Variants in CCT7 observed in about 807,000 individuals in gnomAD.
CCT7 encodes the protein chaperonin containing TCP1 subunit 7.
Under a neutral mutation model 56.6 loss-of-function variants are expected in CCT7, and 16 were observed. The observed-to-expected ratio is 0.28, with a 90% CI of 0.19 to 0.43. CCT7 has a LOEUF of 0.43. Ranked by LOEUF, CCT7 falls within the 20% of genes least tolerant of loss-of-function variation. The probability of loss-of-function intolerance (pLI) is 1.00; values close to 1 mark genes in which losing one functional copy is unlikely to be tolerated. For missense variants in CCT7, 519 were observed against 685.6 expected, an observed-to-expected ratio of 0.76 and a Z score of 2.71; for synonymous variants, 262 against 254.8, an observed-to-expected ratio of 1.03 and a Z score of -0.27.
intron 1 of CCT7, among the ~76,000 whole-genome samples, chr2:73,237,867 A>C (rs1686946127): frequency 6.6e-6 from 1 of 152,142 alleles, no homozygotes; most frequent in Admixed American, 6.5e-5. Context: ...GTTGGAGACC[A>C]GCCTGGGCAA....
chr2:73,245,223 C>A (rs1324968020), intron 6 of CCT7, among the ~76,000 whole-genome samples: 1 of 152,192 alleles, frequency 6.6e-6, no homozygotes, highest in Non-Finnish European at 1.5e-5. Context: ...TGCAGAATTA[C>A]TTTGTGCATA....
rs539762585 is a variant in CCT7, at chr2:73,247,741, G to A, written c.619-21G>A. 1.9e-6 allele frequency: 3 copies of A among 1,610,840 alleles called. No individual in the cohort carries two copies. In the South Asian group the frequency reaches 3.3e-5, roughly 18 times the overall value. ...TTCATGTTAGTACCAAACCATTAAAGTGTTTGTTTTTTTAAAACAGGATTC... is the reference window on the plus strand; with the variant it reads ...TTCATGTTAGTACCAAACCATTAAAATGTTTGTTTTTTTAAAACAGGATTC... On this transcript the variant is annotated intron_variant, in intron 6 of 11. Transcript: ENST00000258091.
chr2:73,240,751 A>G (rs946687206), intron 3 of CCT7, among the ~76,000 whole-genome samples: 6 of 152,224 alleles, frequency 3.9e-5, no homozygotes, highest in African/African-American at 1.4e-4. Flanking sequence ...ACATTGGTGA[A>G]TGACAACAGT....
At chr2:73,241,943 G>A (rs1014807037) in intron 3 of CCT7, among the ~76,000 whole-genome samples, 19 of 151,954 alleles carry the variant, frequency 1.3e-4, no homozygotes, top group African/African-American at 3.6e-4. Flanking sequence ...GTTTCACCAT[G>A]TTGGCCAGGC....
intron 1 of CCT7, chr2:73,235,457 G>A (rs1558560247): frequency 1.7e-6 from 1 of 605,114 alleles, no homozygotes; most frequent in East Asian, 1.4e-4. Flanking sequence ...CACCTTTTAG[G>A]TGTTCTACCA....
At chr2:73,248,207 C>T (rs1687427345) in intron 7 of CCT7, among the ~76,000 whole-genome samples, 2 of 152,146 alleles carry the variant, frequency 1.3e-5, no homozygotes, top group Non-Finnish European at 2.9e-5. Context: ...TTTGGTTCCT[C>T]TTGTTGGTGC....
intron 5 of CCT7, chr2:73,244,268 T>G (rs997264390): frequency 3.2e-6 from 2 of 617,382 alleles, no homozygotes; most frequent in Non-Finnish European, 5.6e-6. Flanking sequence ...TCCCTCTATG[T>G]GCCTGGGGCT....
At chr2:73,243,209 G>C in intron 4 of CCT7, 80 bp downstream of exon 4, 1 of 1,523,438 alleles carries the variant, frequency 6.6e-7, no homozygotes, top group Non-Finnish European at 9.0e-7. Context: ...CTTTTCAGGA[G>C]TGTGGAGGGA....
chr2:73,249,245 G>A (rs1687471488), intron 8 of CCT7, 66 bp downstream of exon 8: 2 of 1,258,702 alleles, frequency 1.6e-6, no homozygotes, highest in Admixed American at 4.9e-5. Flanking sequence ...CTGACCCCTG[G>A]TATAACAGAG....
chr2:73,239,687 A>G lies in CCT7; in HGVS notation c.51A>G (p.Gln17=), dbSNP rs1185365281. 1 of 1,613,974 alleles carries G rather than the reference A, an allele frequency of 6.2e-7. No homozygotes were observed. The highest frequency in any genetic ancestry group is 1.1e-5 in the South Asian group (1 of 91,084). The change falls in exon 2 of 12, where the codon CAA becomes CAG. Residue 17 remains glutamine (Q), a synonymous_variant. Coordinates refer to ENST00000258091, the MANE Select transcript of CCT7 (RefSeq NM_006429.4). ...TGAAAGAGGGGACTGATAGCTCCCA[A>G]GGCATCCCCCAGCTTGTGAGTAACA... is the stretch of plus-strand genomic sequence containing the variant. ...ILLKEGTDSS[Q]GIPQLVSNIS... is the part of the protein sequence containing the mutation.
At chr2:73,243,238 T>A in intron 4 of CCT7, 109 bp downstream of exon 4, 3 of 1,293,370 alleles carry the variant, frequency 2.3e-6, no homozygotes, top group Admixed American at 2.2e-5. Context: ...CAGGGTACTT[T>A]GGGCATTTTC....
At position 73,237,674 on chromosome 2, in the gene CCT7, G is replaced by A. The variant is rs1449731175; in HGVS notation, c.7-1969G>A. The A allele has an allele frequency of 2.6e-5, 4 of 152,224 alleles. No homozygotes were observed. The South Asian group carries it at 6.2e-4, about 24-fold the overall frequency. 9.4% of individuals were successfully genotyped at this position (152,224 alleles called of 1,614,324 possible). A position where few individuals can be genotyped will look rare whatever the true frequency, so the allele number is the denominator to read the frequency against. On this transcript the variant is annotated intron_variant, in intron 1 of 11. Transcript: ENST00000258091. ...GGAAGGAATTTTCCCTTCAGTTGAC[G>A]CCTGATCCCAAATGTAGGGGTTTAC...
chr2:73,235,561 C>G (rs1686842582), intron 1 of CCT7: 1 of 1,002,046 alleles, frequency 1.0e-6, no homozygotes, highest in East Asian at 1.1e-4. Context: ...ATTGCTCATT[C>G]TTGAAGTCGT....
intron 1 of CCT7, chr2:73,239,108 A>G (rs1214913305): frequency 6.6e-6 from 1 of 152,428 alleles, no homozygotes; most frequent in Non-Finnish European, 1.5e-5. Context: ...CTGTTTTCCT[A>G]CACTGCAGCT....
chr2:73,239,069 CAG>C (rs1686996524), intron 1 of CCT7: 1 of 152,312 alleles, frequency 6.6e-6, no homozygotes, highest in Non-Finnish European at 1.5e-5. Flanking sequence ...TTTTTCAAAA[CAG>C]GGCAAAGGTG....
chr2:73,239,875 T>C, intron 2 of CCT7, 79 bp downstream of exon 2: 2 of 1,255,800 alleles, frequency 1.6e-6, no homozygotes, highest in Non-Finnish European at 2.2e-6. Flanking sequence ...CATAGGTTGG[T>C]ATCAGAAATC....
chr2:73,246,984 C>T (rs953286147), intron 6 of CCT7, among the ~76,000 whole-genome samples: 7 of 152,118 alleles, frequency 4.6e-5, no homozygotes, highest in Non-Finnish European at 8.8e-5. Flanking sequence ...GGAAATGACT[C>T]GGTCATTTAG....
At chr2:73,240,665 T>G in intron 3 of CCT7, 122 bp downstream of exon 3, 1 of 489,864 alleles carries the variant, frequency 2.0e-6, no homozygotes, top group Non-Finnish European at 3.5e-6. Context: ...AATACATGCT[T>G]ATAAAAGTAT....
At chr2:73,240,576 T>C (rs750127229) in intron 3 of CCT7, 33 bp downstream of exon 3, 1 of 1,386,412 alleles carries the variant, frequency 7.2e-7, no homozygotes, top group Non-Finnish European at 1.0e-6. Context: ...AAATGGAGGT[T>C]GAAACACATG....
Sources: allele counts gnomAD v4.1 joint callset (sites outside exome capture counted in the v4.1 genomes callset), GRCh38; gene constraint gnomAD v4.1.1; transcripts MANE v1.5; gene names NCBI Gene and HGNC (gene_info 2026-07-23, HGNC 2026-07-21).